Variants in SMC2 observed in about 807,000 individuals in gnomAD.
SMC2 encodes structural maintenance of chromosomes protein 2.
In SMC2, 41 loss-of-function variants were observed where a neutral mutation model predicts 142.6. The ratio of observed to expected loss-of-function variants is 0.29; its 90% confidence interval spans 0.22 to 0.37. SMC2 has a LOEUF of 0.37. SMC2 is among the 10% of genes least tolerant of loss of function. The pLI, the probability that SMC2 is intolerant of heterozygous loss-of-function variation, is 1.00. For synonymous variants in SMC2, 463 were observed against 457.5 expected (o/e 1.01, Z -0.15); for missense variants, 1,265 against 1,373.7 (o/e 0.92, Z 1.25).
intron 3 of SMC2, among the ~76,000 whole-genome samples, chr9:104,097,787 A>T (rs1388829115): frequency 5.3e-5 from 8 of 152,224 alleles, no homozygotes; most frequent in African/African-American, 1.4e-4. Context: ...TTCAATATTT[A>T]TTAAATAGTT....
chr9:104,129,293 G>A (rs1349474243), intron 20 of SMC2, among the ~76,000 whole-genome samples: 2 of 151,898 alleles, frequency 1.3e-5, no homozygotes, highest in African/African-American at 2.4e-5. Context: ...ACCTGAGGTC[G>A]GGAGTTCCAG....
chr9:104,128,672 T>A (rs1275780511), intron 20 of SMC2, among the ~76,000 whole-genome samples: 1 of 152,176 alleles, frequency 6.6e-6, no homozygotes, highest in African/African-American at 2.4e-5. Flanking sequence ...GTCAATAAAT[T>A]AACAAGGATT....
rs1834726244 is a variant in SMC2, at chr9:104,129,681, G to T, written c.2827G>T (p.Ala943Ser). Reference protein sequence around the residue: ...KMLKDYDWINAERHLFGQPNS... With the variant: ...KMLKDYDWINSERHLFGQPNS... ...GTTGAAAGATTATGACTGGATTAAT[G>T]CAGAGAGACACCTCTTTGGCCAACC... is the stretch of plus-strand genomic sequence containing the variant. The change falls in exon 21 of 25, where the codon GCA becomes TCA. Residue 943 changes from alanine (A) to serine (S), a missense_variant. By Grantham distance (99) the Ala-to-Ser change is moderately conservative (BLOSUM62 1). Coordinates refer to ENST00000374793, the MANE Select transcript of SMC2 (RefSeq NM_006444.3). 2 of 1,613,940 alleles carry T rather than the reference G, an allele frequency of 1.2e-6. No homozygotes were observed. Among genetic ancestry groups the T allele is most frequent in the Non-Finnish European group, 1.7e-6 (2 of 1,179,908 alleles).
At chr9:104,108,461 G>C (rs1382090009) in intron 9 of SMC2, among the ~76,000 whole-genome samples, 1 of 152,172 alleles carries the variant, frequency 6.6e-6, no homozygotes, top group Non-Finnish European at 1.5e-5. Flanking sequence ...ATGAAGGTCT[G>C]CATTGTATGT....
At chr9:104,088,761 C>G in the SMC2 span, among the ~76,000 whole-genome samples, 1 of 152,122 alleles carries the variant, frequency 6.6e-6, no homozygotes, top group Non-Finnish European at 1.5e-5. Flanking sequence ...CTTCATTTCT[C>G]CTGGTTAATG....
chr9:104,115,462 C>T (rs1359791387), intron 13 of SMC2, among the ~76,000 whole-genome samples: 2 of 151,828 alleles, frequency 1.3e-5, no homozygotes, highest in Admixed American at 6.6e-5. Flanking sequence ...GGAGTCCTAG[C>T]GACTCTGGAG....
intron 9 of SMC2, among the ~76,000 whole-genome samples, 174 bp downstream of exon 9, chr9:104,102,747 T>G (rs1831306577): frequency 6.6e-6 from 1 of 152,158 alleles, no homozygotes; most frequent in Non-Finnish European, 1.5e-5. Context: ...CTTGTGGACC[T>G]TCATTCCATT....
chr9:104,119,157 G>C (rs1237527096), intron 15 of SMC2, among the ~76,000 whole-genome samples: 1 of 152,036 alleles, frequency 6.6e-6, no homozygotes, highest in Non-Finnish European at 1.5e-5. Flanking sequence ...TCCATGACTA[G>C]GTATCAGATT....
At position 104,114,849 on chromosome 9, in the gene SMC2, A is replaced by T. The variant is rs746346492; in HGVS notation, c.1671+20A>T. 70 of 1,579,308 alleles carry T rather than the reference A, an allele frequency of 4.4e-5. No individual in the cohort carries two copies. In the East Asian group the frequency reaches 1.5e-3, roughly 34 times the overall value. ...ACAGAAGTAAGTTGATTTTAATTTTAAAAAATTTAAAATTTGGTTAGCTTG... is the reference window on the plus strand; with the variant it reads ...ACAGAAGTAAGTTGATTTTAATTTTTAAAAATTTAAAATTTGGTTAGCTTG... On this transcript the variant is annotated intron_variant, in intron 13 of 24. Transcript: ENST00000374793.
At chr9:104,095,573 T>C in intron 2 of SMC2, 21 bp downstream of exon 2, 1 of 1,591,484 alleles carries the variant, frequency 6.3e-7, no homozygotes, top group Non-Finnish European at 8.6e-7. Flanking sequence ...AACTTTCTGA[T>C]TTATTTGAAT....
intron 15 of SMC2, 83 bp downstream of exon 15, chr9:104,118,458 A>T: frequency 9.1e-7 from 1 of 1,093,094 alleles, no homozygotes; most frequent in Non-Finnish European, 1.3e-6. Context: ...TAGCCCAACT[A>T]CCCACTTCTT....
At chr9:104,093,931 CTG>C (rs1830164148), upstream of SMC2, among the ~76,000 whole-genome samples, 1 of 152,244 alleles carries the variant, frequency 6.6e-6, no homozygotes, top group Non-Finnish European at 1.5e-5. Context: ...CACTTCCTAA[CTG>C]TCGCTTTGAG....
rs748548699 is a variant in SMC2 at position 104,096,152 on chromosome 9, G to A, written c.173G>A (p.Arg58Gln). ...ACTTTTCATATTTTATTTTAGGTTC[G>A]GGCTTCTAATTTACAAGATTTAGTT... ...LLGISNLSQV[R>Q]ASNLQDLVYK... Residue 58 changes from arginine (R) to glutamine (Q), a missense_variant, in exon 3 of 25, where the codon CGG becomes CAG. By Grantham distance (43) the Arg-to-Gln change is conservative. Transcript: ENST00000374793. 2 of 1,611,864 alleles carry A rather than the reference G, an allele frequency of 1.2e-6. No homozygotes were observed. The highest frequency in any genetic ancestry group is 1.1e-5 in the South Asian group (1 of 90,972).
chr9:104,117,163 G>A (rs1833210870), intron 14 of SMC2, among the ~76,000 whole-genome samples: 1 of 152,094 alleles, frequency 6.6e-6, no homozygotes, highest in Admixed American at 6.5e-5. Context: ...TTTTTGGTTG[G>A]TACTTTCTTT....
At chr9:104,119,700 A>G (rs1248629376) in intron 15 of SMC2, among the ~76,000 whole-genome samples, 1 of 152,166 alleles carries the variant, frequency 6.6e-6, no homozygotes, top group Non-Finnish European at 1.5e-5. Flanking sequence ...TGCCTCCTAA[A>G]GTTTACTTTC....
intron 14 of SMC2, among the ~76,000 whole-genome samples, chr9:104,117,470 C>T (rs951594319): frequency 2.6e-5 from 4 of 152,296 alleles, no homozygotes; most frequent in Middle Eastern, 3.4e-3. Flanking sequence ...TGAGAAGAAG[C>T]ATTGTGATCA....
intron 24 of SMC2, 54 bp downstream of exon 24, chr9:104,138,219 A>T: frequency 7.0e-7 from 1 of 1,435,736 alleles, no homozygotes; most frequent in Non-Finnish European, 9.4e-7. Flanking sequence ...TATTTTTCTA[A>T]AACCATTCTT....
intron 10 of SMC2, among the ~76,000 whole-genome samples, chr9:104,112,845 C>T (rs922064356): frequency 6.6e-6 from 1 of 152,140 alleles, no homozygotes; most frequent in Non-Finnish European, 1.5e-5. Context: ...TTAAGTTTCT[C>T]TGTCAGTTTA....
At chr9:104,108,068 A>G (rs1035142812) in intron 9 of SMC2, among the ~76,000 whole-genome samples, 1 of 152,134 alleles carries the variant, frequency 6.6e-6, no homozygotes, top group Non-Finnish European at 1.5e-5. Flanking sequence ...AGTGGTGGGA[A>G]CTGTGGTCAC....
Sources: gnomAD v4.1 joint callset for allele counts (sites outside exome capture counted in the v4.1 genomes callset) on GRCh38, gnomAD v4.1.1 for gene constraint, MANE v1.5 for transcripts, NCBI Gene and HGNC (gene_info 2026-07-23, HGNC 2026-07-21) for gene names.